The following CNTNAP2 variants were observed in gnomAD, a reference collection of about 807,000 sequenced individuals.
The protein encoded by CNTNAP2 is contactin associated protein 2.
CNTNAP2 carries 98 observed loss-of-function variants against 155.2 expected under a neutral mutation model. The ratio of observed to expected loss-of-function variants is 0.63; its 90% CI spans 0.54 to 0.75. CNTNAP2 has a LOEUF of 0.75. CNTNAP2 is among the 30% of genes least tolerant of loss of function. The probability of loss-of-function intolerance (pLI) is 0.00; values close to 1 mark genes in which losing one functional copy is unlikely to be tolerated. For synonymous variants in CNTNAP2, 651 were observed against 631.2 expected, an observed-to-expected ratio of 1.03 and a Z score of -0.47; for missense variants, 1,727 against 1,688.1, an observed-to-expected ratio of 1.02 and a Z score of -0.40.
chr7:147,210,377 T>G (rs1275512571), intron 8 of CNTNAP2, among the ~76,000 whole-genome samples: 1 of 152,014 alleles, frequency 6.6e-6, no homozygotes, highest in Non-Finnish European at 1.5e-5. Context: ...CTGTTTTGTG[T>G]GCATGGAGTG....
intron 1 of CNTNAP2, among the ~76,000 whole-genome samples, chr7:146,151,021 C>G (rs1798029047): frequency 6.6e-6 from 1 of 152,078 alleles, no homozygotes; most frequent in Admixed American, 6.6e-5. Context: ...AAGGCACCTT[C>G]ATCACAAGGT....
chr7:146,386,415 G>A (rs1795462604), intron 1 of CNTNAP2, among the ~76,000 whole-genome samples: 1 of 152,132 alleles, frequency 6.6e-6, no homozygotes, highest in Non-Finnish European at 1.5e-5. Context: ...TTGAAACAGA[G>A]TCTAGCTCTG....
intron 18 of CNTNAP2, among the ~76,000 whole-genome samples, chr7:148,187,109 TACACACAC>T (rs142565546): frequency 1.0e-4 from 5 of 49,310 alleles, no homozygotes; most frequent in South Asian, 8.9e-4. Flanking sequence ...CAAGGAAACA[TACACACAC>T]ACACACACAC....
chr7:146,387,469 T>A (rs1795477440), intron 1 of CNTNAP2, among the ~76,000 whole-genome samples: 1 of 152,188 alleles, frequency 6.6e-6, no homozygotes, highest in Admixed American at 6.5e-5. Flanking sequence ...TCCGGATGGG[T>A]AGACCTTGGA....
intron 20 of CNTNAP2, among the ~76,000 whole-genome samples, chr7:148,235,107 C>A (rs1332640785): frequency 6.6e-6 from 1 of 152,196 alleles, no homozygotes; most frequent in Non-Finnish European, 1.5e-5. Context: ...TGATTATTTT[C>A]ACTGGGAATT....
At chr7:147,639,566 A>G (rs562720767) in intron 13 of CNTNAP2, among the ~76,000 whole-genome samples, 2 of 152,342 alleles carry the variant, frequency 1.3e-5, no homozygotes, top group South Asian at 4.1e-4. Context: ...CTAGTGCTTA[A>G]CTGTCAGTAG....
At chr7:147,645,972 T>C (rs77730374) in intron 13 of CNTNAP2, among the ~76,000 whole-genome samples, 3,625 of 152,284 alleles carry the variant, frequency 0.024, 215 homozygotes, top group Admixed American at 0.14. Context: ...GAGGATTTTA[T>C]TTGAATGGCA....
At chr7:146,955,114 G>C (rs1277639675) in intron 3 of CNTNAP2, among the ~76,000 whole-genome samples, 1 of 151,862 alleles carries the variant, frequency 6.6e-6, no homozygotes, top group Non-Finnish European at 1.5e-5. Flanking sequence ...ATATATTTAG[G>C]TACCCACTTG....
intron 9 of CNTNAP2, among the ~76,000 whole-genome samples, chr7:147,316,145 G>A (rs1024370468): frequency 6.6e-6 from 1 of 151,986 alleles, no homozygotes; most frequent in Non-Finnish European, 1.5e-5. Flanking sequence ...TGTGTCATAT[G>A]ATAAGTCTAT....
chr7:146,615,752 T>C (rs1799213670), intron 1 of CNTNAP2, among the ~76,000 whole-genome samples: 1 of 152,190 alleles, frequency 6.6e-6, no homozygotes, highest in African/African-American at 2.4e-5. Flanking sequence ...AGTTCCTTTG[T>C]TCCTTGGTGG....
At chr7:147,807,730 T>C (rs1798113824) in intron 13 of CNTNAP2, among the ~76,000 whole-genome samples, 1 of 152,176 alleles carries the variant, frequency 6.6e-6, no homozygotes, top group African/African-American at 2.4e-5. Context: ...AATCACTATA[T>C]GATGGGGGAA....
intron 11 of CNTNAP2, among the ~76,000 whole-genome samples, chr7:147,512,125 A>G (rs1562973608): frequency 6.6e-6 from 1 of 151,994 alleles, no homozygotes; most frequent in East Asian, 1.9e-4. Context: ...ATGGGATCCC[A>G]CCTAATGCAC....
chr7:148,397,319 A>G (rs1160098240), intron 22 of CNTNAP2, among the ~76,000 whole-genome samples: 2 of 152,204 alleles, frequency 1.3e-5, no homozygotes, highest in African/African-American at 4.8e-5. Context: ...AGGATTGTGA[A>G]GCAATGGGGA....
At chr7:146,750,255 G>T (rs950938122) in intron 1 of CNTNAP2, among the ~76,000 whole-genome samples, 5 of 152,074 alleles carry the variant, frequency 3.3e-5, no homozygotes, top group Admixed American at 2.0e-4. Flanking sequence ...GAGAGTTTGA[G>T]AATCTGCTTC....
At position 147,114,793 on chromosome 7, in the gene CNTNAP2, C is replaced by T. The variant is rs561237424; in HGVS notation, c.755-6186C>T. Among the ~76,000 whole-genome samples, 18 of 152,234 alleles carry T rather than the reference C, an allele frequency of 1.2e-4. No homozygotes were observed. In the East Asian group the frequency reaches 3.5e-3, roughly 29 times the overall value. On this transcript the variant is annotated intron_variant, in intron 5 of 23. Transcript: ENST00000361727. Reference sequence around the variant, plus strand: ...GCCAGTCTGTGTCTTTTAACTGGGGCATTTAACCCATTTACATTTAAGGTT... The same window carrying T: ...GCCAGTCTGTGTCTTTTAACTGGGGTATTTAACCCATTTACATTTAAGGTT...
chr7:147,568,918 C>T (rs1192586879), intron 12 of CNTNAP2, among the ~76,000 whole-genome samples: 2 of 152,096 alleles, frequency 1.3e-5, no homozygotes, highest in East Asian at 1.9e-4. Flanking sequence ...TTTTCTTCAT[C>T]TTCTATCCTC....
intron 3 of CNTNAP2, among the ~76,000 whole-genome samples, chr7:146,983,227 G>C (rs1328344333): frequency 2.0e-5 from 3 of 152,126 alleles, no homozygotes; most frequent in Non-Finnish European, 4.4e-5. Context: ...GAAAGATTCT[G>C]CTGAATGGAA....
chr7:146,136,527 C>A (rs905569229), intron 1 of CNTNAP2, among the ~76,000 whole-genome samples: 1 of 152,094 alleles, frequency 6.6e-6, no homozygotes, highest in African/African-American at 2.4e-5. Context: ...ATAGGCATTT[C>A]AACGTTCAGA....
intron 1 of CNTNAP2, among the ~76,000 whole-genome samples, chr7:146,269,934 G>A (rs1001097863): frequency 3.3e-5 from 5 of 152,092 alleles, no homozygotes; most frequent in Admixed American, 2.0e-4. Context: ...TTCAAATATT[G>A]TAAGATCTTT....
Sources: allele counts gnomAD v4.1 joint callset (sites outside exome capture counted in the v4.1 genomes callset), GRCh38; gene constraint gnomAD v4.1.1; transcripts MANE v1.5; gene names NCBI Gene and HGNC (gene_info 2026-07-23, HGNC 2026-07-21).